Variants in RBM48 observed in about 807,000 individuals in gnomAD.
RBM48 encodes the protein RNA binding motif protein 48.
In RBM48, 32 loss-of-function variants were observed where a neutral mutation model predicts 34.8. That is an observed-to-expected ratio of 0.92 (90% CI 0.69 to 1.23). The LOEUF is 1.23. Ranked by LOEUF, RBM48 falls within the 50% of genes most tolerant of loss-of-function variation. The probability of loss-of-function intolerance (pLI) is 0.00; values close to 1 mark genes in which losing one functional copy is unlikely to be tolerated. For missense variants in RBM48, 441 were observed against 447.2 expected (o/e 0.99, Z 0.12); for synonymous variants, 151 against 156.2 (o/e 0.97, Z 0.25).
At chr7:92,533,425 CAAAAT>C (rs1219849773) in intron 3 of RBM48, among the ~76,000 whole-genome samples, 1 of 152,156 alleles carries the variant, frequency 6.6e-6, no homozygotes, top group East Asian at 1.9e-4. Context: ...GAATTAAAGA[CAAAAT>C]AAGGGTTAAA....
rs986947014 is a variant in RBM48, at chr7:92,538,309, C to G, written c.*1372C>G. 1.3e-5 allele frequency among the ~76,000 whole-genome samples: 2 copies of G among 152,194 alleles called. No individual in the cohort carries two copies. The highest frequency in any genetic ancestry group is 4.8e-5 in the African/African-American group (2 of 41,440). On this transcript the variant is annotated 3_prime_UTR_variant, in exon 5 of 5. Transcript: ENST00000265732. ...GGTTGTGATAGACGGAGCAAGTGAT[C>G]TATAGGCAACACATGGTTAGAGTTG...
At position 92,534,047 on chromosome 7, in the gene RBM48, G is replaced by A. The variant is rs146014610; in HGVS notation, c.449-355G>A. On this transcript the variant is annotated intron_variant, in intron 3 of 4. Transcript: ENST00000265732. ...GATCTACAGTGAAATGGAAAATGCA[G>A]AGGTGCAGAGAAATGCGTATTACAG... Among the ~76,000 whole-genome samples, 27 of 151,100 alleles carry A rather than the reference G, an allele frequency of 1.8e-4. No homozygotes were observed. In the East Asian group the frequency reaches 5.2e-3, roughly 29 times the overall value.
chr7:92,537,875 C>G lies in RBM48; in HGVS notation c.*938C>G, dbSNP rs914525059. On this transcript the variant is annotated 3_prime_UTR_variant, in exon 5 of 5. Transcript: ENST00000265732. ...GTAGAGACAGGGTCTCACTGTGTTG[C>G]CCAGGCAGGTATTGAACTCCTGGGC... is the stretch of plus-strand genomic sequence containing the variant. The G allele has an allele frequency of 2.0e-5, 3 of 152,128 alleles. No individual in the cohort carries two copies. The highest frequency in any genetic ancestry group is 7.2e-5 in the African/African-American group (3 of 41,396). The allele number at this position is 152,128 out of a possible 1,614,324, so 9.4% of individuals were successfully genotyped here.
intron 3 of RBM48, 30 bp downstream of exon 3, chr7:92,532,579 T>C: frequency 6.5e-7 from 1 of 1,535,852 alleles, no homozygotes; most frequent in Non-Finnish European, 8.9e-7. Flanking sequence ...AAATGCCTCC[T>C]GTGTGTCAGG....
At chr7:92,536,739 A>G in intron 4 of RBM48, 112 bp from the exon 5 acceptor site, 2 of 1,381,170 alleles carry the variant, frequency 1.4e-6, no homozygotes, top group Non-Finnish European at 1.9e-6. Context: ...CTCTGCCTCG[A>G]AAGTGACATC....
In RBM48 at chr7:92,528,857, A is replaced by G; in HGVS notation, c.44A>G (p.His15Arg). The G allele has an allele frequency of 6.2e-7, 1 of 1,614,110 alleles. No homozygotes were observed. The highest frequency in any genetic ancestry group is 8.5e-7 in the Non-Finnish European group (1 of 1,180,008). The stretch of plus-strand genomic sequence containing the variant: ...GAGCTAGGGAGTTTATTTGATCACC[A>G]CGTCCAGAGGGCGGTATGCGACACA... ...GGELGSLFDHHVQRAVCDTRA... is the reference protein window; with the variant it reads ...GGELGSLFDHRVQRAVCDTRA... Residue 15 changes from histidine to arginine, a missense_variant, in exon 1 of 5, where the codon CAC (histidine) becomes CGC (arginine). Physicochemically the swap from His to Arg is conservative, Grantham distance 29. Coordinates refer to ENST00000265732, the MANE Select transcript of RBM48 (RefSeq NM_032120.4).
chr7:92,529,833 A>G (rs1224232194), intron 2 of RBM48, among the ~76,000 whole-genome samples, 167 bp downstream of exon 2: 1 of 152,214 alleles, frequency 6.6e-6, no homozygotes, highest in Non-Finnish European at 1.5e-5. Flanking sequence ...CACTGTATCC[A>G]TCACATCATT....
rs1793799024 is a variant in RBM48 at position 92,539,142 on chromosome 7, T to G, written c.*2205T>G. Among the ~76,000 whole-genome samples, 1 of 152,208 alleles carries G rather than the reference T, an allele frequency of 6.6e-6. No homozygotes were observed. Among genetic ancestry groups the G allele is most frequent in the African/African-American group, 2.4e-5 (1 of 41,460 alleles). On this transcript the variant is annotated 3_prime_UTR_variant, in exon 5 of 5. Coordinates refer to ENST00000265732, the MANE Select transcript of RBM48 (RefSeq NM_032120.4). ...AGGCTCTAGATAACTGGGCTACAGA[T>G]GAACTCTGGAAGCAGCTGAAGAACG... is the stretch of plus-strand genomic sequence containing the variant.
chr7:92,538,770 G>A lies in RBM48; in HGVS notation c.*1833G>A, dbSNP rs1008471395. ...GTGGGGAGGGAAAATGAGGAGTTACGGTTTAATGGGCATAGAATTTCAGTT... is the reference window on the plus strand; with the variant it reads ...GTGGGGAGGGAAAATGAGGAGTTACAGTTTAATGGGCATAGAATTTCAGTT... On this transcript the variant is annotated 3_prime_UTR_variant, in exon 5 of 5. Coordinates refer to ENST00000265732, the MANE Select transcript of RBM48 (RefSeq NM_032120.4). Among the ~76,000 whole-genome samples the A allele has an allele frequency of 5.9e-5, 9 of 152,046 alleles. No individual in the cohort carries two copies. Among genetic ancestry groups the A allele is most frequent in the African/African-American group, 2.2e-4 (9 of 41,384 alleles).
At chr7:92,535,938 C>A in intron 4 of RBM48, 1 of 490,776 alleles carries the variant, frequency 2.0e-6, no homozygotes, top group Non-Finnish European at 2.6e-6. Context: ...AGTCTGAGAC[C>A]AGCCTGACCA....
Position 92,537,816 on chromosome 7 carries a change from CTG to C in RBM48, c.*881_*882del, listed in dbSNP as rs1324016604. On this transcript the variant is annotated 3_prime_UTR_variant, in exon 5 of 5. Transcript: ENST00000265732. Reference sequence around the variant, plus strand: ...AATTGGAAATTTCAGTACATCTAGACTGTCTCTATTTTCTTTTTCTTTTTTTA... The same window carrying C: ...AATTGGAAATTTCAGTACATCTAGACTCTCTATTTTCTTTTTCTTTTTTTA... The C allele has an allele frequency of 6.6e-6, 1 of 152,176 alleles. No individual in the cohort carries two copies. The highest frequency in any genetic ancestry group is 2.4e-5 in the African/African-American group (1 of 41,442). 9.4% of individuals were successfully genotyped at this position (152,176 alleles called of 1,614,324 possible).
At position 92,534,857 on chromosome 7, in the gene RBM48, C is replaced by G; in HGVS notation, c.904C>G (p.Pro302Ala). ...ACTTGGAACTTTTCTTCAAACAAAC[C>G]CAACTGGTAATGAGATTATGATTGG... ...RKLGTFLQTN[P>A]TGNEIMIGPL... Residue 302 changes from proline (P) to alanine (A), a missense_variant, in exon 4 of 5, where the codon CCA (proline) becomes GCA (alanine). Physicochemically the swap from Pro to Ala is conservative, Grantham distance 27. Transcript: ENST00000265732. The G allele has an allele frequency of 6.2e-7, 1 of 1,614,158 alleles. No homozygotes were observed. Among genetic ancestry groups the G allele is most frequent in the African/African-American group, 1.3e-5 (1 of 75,044 alleles).
At chr7:92,529,945 G>A (rs1793511148) in intron 2 of RBM48, among the ~76,000 whole-genome samples, 2 of 152,218 alleles carry the variant, frequency 1.3e-5, no homozygotes, top group Admixed American at 6.5e-5. Context: ...CTGGGAGACC[G>A]AGGTGGGCGG....
At chr7:92,536,234 AT>A in intron 4 of RBM48, 1 of 984,708 alleles carries the variant, frequency 1.0e-6, no homozygotes, top group Non-Finnish European at 1.2e-6. Context: ...ACCAGAGCTG[AT>A]TACATTTTCA....
chr7:92,531,312 T>TA (rs1283774317), intron 2 of RBM48, among the ~76,000 whole-genome samples: 1 of 152,230 alleles, frequency 6.6e-6, no homozygotes, highest in Non-Finnish European at 1.5e-5. Flanking sequence ...TTTCTACTGT[T>TA]ACTCCTTTCT....
At chr7:92,535,038 G>A (rs767882287) in intron 4 of RBM48, 68 bp downstream of exon 4, 9 of 1,577,272 alleles carry the variant, frequency 5.7e-6, no homozygotes, top group Non-Finnish European at 6.9e-6. Flanking sequence ...AGAATTATTT[G>A]TGGGAACAAT....
At position 92,530,656 on chromosome 7, in the gene RBM48, C is replaced by T. The variant is rs574201148; in HGVS notation, c.302+990C>T. On this transcript the variant is annotated intron_variant, in intron 2 of 4. Coordinates refer to ENST00000265732, the MANE Select transcript of RBM48 (RefSeq NM_032120.4). ...CACTCTACTAAATACAAAAATTAGC[C>T]GGCTGTGTTGGTGCAAACCTTTAAT... is the stretch of plus-strand genomic sequence containing the variant. Among the ~76,000 whole-genome samples the T allele has an allele frequency of 9.3e-4, 141 of 151,964 alleles. 1 individual carries two copies. The Middle Eastern group carries it at 0.01, about 11-fold the overall frequency.
At chr7:92,533,775 A>T (rs1028997383) in intron 3 of RBM48, among the ~76,000 whole-genome samples, 13 of 152,202 alleles carry the variant, frequency 8.5e-5, no homozygotes, top group Non-Finnish European at 4.4e-5. Context: ...ACAATCATCA[A>T]CACATAGCCA....
Position 92,534,527 on chromosome 7 carries a change from A to T in RBM48, c.574A>T (p.Asn192Tyr), listed in dbSNP as rs187507005. Residue 192 changes from asparagine (N) to tyrosine (Y), a missense_variant, in exon 4 of 5, where the codon AAT becomes TAT. Transcript: ENST00000265732. ...TTTGAACACTTCTGCAGGGAACTCA[A>T]ATCCTTATCTTCCGTATTCCTGTGA... Reference protein sequence around the residue: ...AALNTSAGNSNPYLPYSCELP... With the variant: ...AALNTSAGNSYPYLPYSCELP... 1.0e-4 allele frequency: 164 copies of T among 1,614,108 alleles called. 2 individuals are homozygous for T. In the East Asian group the frequency reaches 3.6e-3, roughly 35 times the overall value.
Sources: gnomAD v4.1 joint callset for allele counts (sites outside exome capture counted in the v4.1 genomes callset) on GRCh38, gnomAD v4.1.1 for gene constraint, MANE v1.5 for transcripts, NCBI Gene and HGNC (gene_info 2026-07-23, HGNC 2026-07-21) for gene names.